EPS15: variants seen among roughly 807,000 people sequenced by gnomAD.
EPS15 encodes the protein epidermal growth factor receptor pathway substrate 15, also known as epidermal growth factor receptor substrate 15.
EPS15 carries 72 observed loss-of-function variants against 113.8 expected under a neutral mutation model. The observed-to-expected ratio is 0.63, with a 90% CI of 0.52 to 0.77. EPS15 has a LOEUF of 0.77. Ranked by LOEUF, EPS15 falls within the 30% of genes least tolerant of loss-of-function variation. The probability of loss-of-function intolerance (pLI) is 0.00; values close to 1 mark genes in which losing one functional copy is unlikely to be tolerated. For missense variants in EPS15, 1,048 were observed against 1,045.8 expected (o/e 1.00, Z -0.03); for synonymous variants, 344 against 363.4 (o/e 0.95, Z 0.61).
rs575893092 is a variant in EPS15 at position 51,427,870 on chromosome 1, T to A, written c.1041-6012A>T. ...ACTCAAATTTGATAAAATATCTGCA[T>A]CTACAGATCTAAAAAGCTCAATGAA... is the stretch of plus-strand genomic sequence containing the variant. On this transcript the variant is annotated intron_variant, in intron 12 of 24. Transcript: ENST00000371733. Among the ~76,000 whole-genome samples, 84 of 152,252 alleles carry A rather than the reference T, an allele frequency of 5.5e-4. 1 individual carries two copies. The highest frequency in any genetic ancestry group is 1.9e-3 in the African/African-American group (80 of 41,536).
rs115826612 is a variant in EPS15, at chr1:51,365,798, T to C, written c.2196+155A>G. On this transcript the variant is annotated intron_variant, in intron 22 of 24. Coordinates refer to ENST00000371733, the MANE Select transcript of EPS15 (RefSeq NM_001981.3). ...TAAAGAAATATGTCTACTTTAACTATATGTTATCTTTCATTTCTATCTGAA... is the reference window on the plus strand; with the variant it reads ...TAAAGAAATATGTCTACTTTAACTACATGTTATCTTTCATTTCTATCTGAA... Among the ~76,000 whole-genome samples, 846 of 152,356 alleles carry C rather than the reference T, an allele frequency of 5.6e-3. 4 individuals carry two copies. The highest frequency in any genetic ancestry group is 0.018 in the African/African-American group (767 of 41,580).
chr1:51,377,006 T>G (rs1323078619), intron 21 of EPS15, among the ~76,000 whole-genome samples: 1 of 151,752 alleles, frequency 6.6e-6, no homozygotes, highest in Admixed American at 6.6e-5. Context: ...TGGCTCACGC[T>G]TGTAATCCCA....
intron 15 of EPS15, among the ~76,000 whole-genome samples, chr1:51,406,984 T>A (rs1010872986): frequency 2.0e-5 from 3 of 152,154 alleles, no homozygotes; most frequent in African/African-American, 7.2e-5. Context: ...AGCTGCCAGA[T>A]AACAGGGGGT....
intron 13 of EPS15, among the ~76,000 whole-genome samples, chr1:51,412,867 T>C (rs1441936613): frequency 1.3e-5 from 2 of 152,252 alleles, no homozygotes; most frequent in African/African-American, 4.8e-5. Flanking sequence ...TTCCTTGACA[T>C]ACAACTGGGT....
chr1:51,364,709 G>C lies in EPS15; in HGVS notation c.2197-681C>G, dbSNP rs147450160. 4.1e-4 allele frequency among the ~76,000 whole-genome samples: 63 copies of C among 152,034 alleles called. 1 individual carries two copies. In the East Asian group the frequency reaches 0.012, roughly 29 times the overall value. On this transcript the variant is annotated intron_variant, in intron 22 of 24. Coordinates refer to ENST00000371733, the MANE Select transcript of EPS15 (RefSeq NM_001981.3). ...AGATGGAGTTTCGTTATGTTGCCCAGGCTGGTCTCGAACTCCTGGGCTCAA... is the reference window on the plus strand; with the variant it reads ...AGATGGAGTTTCGTTATGTTGCCCACGCTGGTCTCGAACTCCTGGGCTCAA...
intron 21 of EPS15, among the ~76,000 whole-genome samples, chr1:51,375,825 C>G (rs1477171285): frequency 6.6e-6 from 1 of 151,920 alleles, no homozygotes; most frequent in Non-Finnish European, 1.5e-5. Flanking sequence ...CAAAACAAAA[C>G]AAACAAACCA....
At chr1:51,389,775 T>C (rs1054137318) in intron 21 of EPS15, among the ~76,000 whole-genome samples, 1 of 152,226 alleles carries the variant, frequency 6.6e-6, no homozygotes, top group Non-Finnish European at 1.5e-5. Flanking sequence ...GAGGGACCTC[T>C]TCAAGGAGAA....
chr1:51,370,773 A>T (rs1336799430), intron 21 of EPS15, among the ~76,000 whole-genome samples: 1 of 151,846 alleles, frequency 6.6e-6, no homozygotes, highest in Non-Finnish European at 1.5e-5. Context: ...GGCACGTACC[A>T]CCATGCCTGG....
Position 51,421,832 on chromosome 1 carries a change from A to C in EPS15, c.1067T>G (p.Leu356Arg). 1.2e-6 allele frequency: 2 copies of C among 1,610,190 alleles called. No homozygotes were observed. Among genetic ancestry groups the C allele is most frequent in the Non-Finnish European group, 1.7e-6 (2 of 1,177,812 alleles). ...QREKNNVEQD[L>R]KEKEDTIKQR... is the part of the protein sequence containing the mutation. ...TTTAATAGTATCTTCCTTCTCCTTAAGGTCCTGTTCCACATTATTCTTTTC... is the reference window on the plus strand; with the variant it reads ...TTTAATAGTATCTTCCTTCTCCTTACGGTCCTGTTCCACATTATTCTTTTC... Residue 356 changes from leucine to arginine, a missense_variant, in exon 13 of 25, where the codon CTT becomes CGT. Physicochemically the swap from Leu to Arg is moderately radical, Grantham distance 102. Coordinates refer to ENST00000371733, the MANE Select transcript of EPS15 (RefSeq NM_001981.3).
intron 21 of EPS15, among the ~76,000 whole-genome samples, chr1:51,379,347 T>G (rs1646881449): frequency 6.6e-6 from 1 of 152,092 alleles, no homozygotes. Flanking sequence ...CTCGAACTCC[T>G]GACCTCAAGT....
At chr1:51,386,694 C>T (rs956542138) in intron 21 of EPS15, among the ~76,000 whole-genome samples, 5 of 151,964 alleles carry the variant, frequency 3.3e-5, no homozygotes, top group Non-Finnish European at 5.9e-5. Context: ...GCAGCCAATG[C>T]GATCAACTGG....
At chr1:51,411,233 G>A (rs1384879658) in intron 13 of EPS15, among the ~76,000 whole-genome samples, 1 of 152,054 alleles carries the variant, frequency 6.6e-6, no homozygotes, top group African/African-American at 2.4e-5. Context: ...ATATCATGTT[G>A]CTTTCTTTAA....
intron 8 of EPS15, chr1:51,457,746 C>A (rs904021568): frequency 1.3e-5 from 2 of 151,922 alleles, no homozygotes; most frequent in African/African-American, 4.8e-5. Context: ...TGTCAGTACT[C>A]AAAAGTTTCA....
At chr1:51,457,597 TTA>T (rs1237857959) in intron 8 of EPS15, 2 of 151,504 alleles carry the variant, frequency 1.3e-5, no homozygotes, top group African/African-American at 4.8e-5. Context: ...TGAAATTCAT[TTA>T]TGTTTCATAT....
At chr1:51,511,432 T>C (rs374612451) in intron 1 of EPS15, among the ~76,000 whole-genome samples, 25 of 151,820 alleles carry the variant, frequency 1.6e-4, no homozygotes, top group African/African-American at 5.1e-4. Flanking sequence ...GGGGTGGAGG[T>C]TGCAGTGAGC....
intron 12 of EPS15, among the ~76,000 whole-genome samples, chr1:51,428,455 T>C (rs1449109939): frequency 2.0e-5 from 3 of 152,078 alleles, no homozygotes; most frequent in Non-Finnish European, 2.9e-5. Context: ...AGATACACAA[T>C]GTATAAAGAT....
intron 8 of EPS15, chr1:51,457,647 T>A (rs1447323038): frequency 1.3e-5 from 2 of 151,484 alleles, no homozygotes; most frequent in South Asian, 2.1e-4. Flanking sequence ...TTTTATACAA[T>A]CTTTTTAATA....
intron 13 of EPS15, among the ~76,000 whole-genome samples, chr1:51,412,342 T>A (rs1338159443): frequency 6.6e-6 from 1 of 152,352 alleles, no homozygotes; most frequent in East Asian, 1.9e-4. Context: ...AACCTGTACG[T>A]TCCACACATG....
intron 8 of EPS15, among the ~76,000 whole-genome samples, chr1:51,456,825 G>C (rs1049140406): frequency 1.3e-5 from 2 of 152,020 alleles, no homozygotes; most frequent in Admixed American, 1.3e-4. Flanking sequence ...ATTTATTAAA[G>C]TAAAAGGATA....
Sources: allele counts gnomAD v4.1 joint callset (sites outside exome capture counted in the v4.1 genomes callset), GRCh38; gene constraint gnomAD v4.1.1; transcripts MANE v1.5; gene names NCBI Gene and HGNC (gene_info 2026-07-23, HGNC 2026-07-21).